Variants in NAV2 observed in about 807,000 individuals in gnomAD.
The protein encoded by NAV2 is neuron navigator 2, also known as helicase, APC down-regulated 1.
NAV2 carries 54 observed loss-of-function variants against 223.2 expected under a neutral mutation model. That is an observed-to-expected ratio of 0.24 (90% CI 0.19 to 0.30). NAV2 has a LOEUF of 0.30. Ranked by LOEUF, NAV2 falls within the 10% of genes least tolerant of loss-of-function variation. The probability of loss-of-function intolerance (pLI) is 1.00; values close to 1 mark genes in which losing one functional copy is unlikely to be tolerated. For missense variants in NAV2, 2,806 were observed against 3,147.5 expected, an observed-to-expected ratio of 0.89 and a Z score of 2.60; for synonymous variants, 1,279 against 1,239.3, an observed-to-expected ratio of 1.03 and a Z score of -0.67.
chr11:19,999,566 T>C (rs2052337545), intron 11 of NAV2, among the ~76,000 whole-genome samples: 1 of 152,224 alleles, frequency 6.6e-6, no homozygotes, highest in Admixed American at 6.5e-5. Context: ...AGATGGGGTT[T>C]CACCATGTTG....
At chr11:19,910,892 C>T (rs1249286065) in intron 6 of NAV2, among the ~76,000 whole-genome samples, 1 of 152,066 alleles carries the variant, frequency 6.6e-6, no homozygotes, top group East Asian at 1.9e-4. Context: ...AACCAAACAC[C>T]ACATGTAAAA....
intron 36 of NAV2, among the ~76,000 whole-genome samples, chr11:20,109,838 C>T (rs146179648): frequency 2.6e-4 from 39 of 152,348 alleles, no homozygotes; most frequent in African/African-American, 9.1e-4. Flanking sequence ...TAAAGGCCTC[C>T]CCTGCCCTGG....
At chr11:19,356,202 C>T (rs7948272) in intron 1 of NAV2, among the ~76,000 whole-genome samples, 12,699 of 152,140 alleles carry the variant, frequency 0.083, 529 homozygotes, top group Middle Eastern at 0.15. Flanking sequence ...TCACTGAAGA[C>T]GAAAGGAGAG....
intron 1 of NAV2, among the ~76,000 whole-genome samples, chr11:19,357,090 T>C (rs902024338): frequency 2.0e-5 from 3 of 152,206 alleles, no homozygotes; most frequent in African/African-American, 4.8e-5. Flanking sequence ...ACCAAATCAT[T>C]GAGTCCTCAG....
intron 1 of NAV2, among the ~76,000 whole-genome samples, chr11:19,680,934 G>T (rs1459209896): frequency 6.6e-6 from 1 of 152,224 alleles, no homozygotes; most frequent in East Asian, 1.9e-4. Flanking sequence ...GACTACTGAT[G>T]AATCACTTAG....
chr11:19,760,678 G>C (rs2054663631), intron 1 of NAV2, among the ~76,000 whole-genome samples: 1 of 152,198 alleles, frequency 6.6e-6, no homozygotes, highest in East Asian at 1.9e-4. Flanking sequence ...GAGTAAGAGA[G>C]AAGAATCTAG....
intron 1 of NAV2, among the ~76,000 whole-genome samples, chr11:19,393,941 A>G (rs915802776): frequency 7.0e-6 from 1 of 143,400 alleles, no homozygotes; most frequent in African/African-American, 2.6e-5. Flanking sequence ...CACTTCTAAA[A>G]GTGTGAAACT....
chr11:20,036,077 C>T lies in NAV2; in HGVS notation c.2887C>T (p.Arg963Ter). 4 of 1,614,184 alleles carry T rather than the reference C, an allele frequency of 2.5e-6. No homozygotes were observed. The highest frequency in any genetic ancestry group is 2.5e-6 in the Non-Finnish European group (3 of 1,180,028). The change falls in exon 12 of 38, where the codon CGA (arginine) becomes TGA (stop). Residue 963 changes from arginine to a stop codon, truncating the protein, a stop_gained. Transcript: ENST00000349880. LOFTEE classifies it high-confidence loss of function. ...SSYANTPASS[R>*]KNLDVQTDAE... ...TTATGCCAACACACCTGCCTCCTCTCGAAAAAACCTGGATGTGCAGGTGAG... is the reference window on the plus strand; with the variant it reads ...TTATGCCAACACACCTGCCTCCTCTTGAAAAAACCTGGATGTGCAGGTGAG...
intron 3 of NAV2, among the ~76,000 whole-genome samples, chr11:19,864,188 T>C (rs1485668840): frequency 6.6e-6 from 1 of 152,190 alleles, no homozygotes; most frequent in Admixed American, 6.5e-5. Context: ...AGACTGGAGA[T>C]TTCCCAAGGG....
chr11:19,509,786 C>T (rs978216734), intron 1 of NAV2, among the ~76,000 whole-genome samples: 3 of 152,030 alleles, frequency 2.0e-5, no homozygotes, highest in African/African-American at 7.2e-5. Flanking sequence ...TATTCTAATG[C>T]ACTGGGCAGT....
At chr11:19,367,654 C>G (rs1011289378) in intron 1 of NAV2, among the ~76,000 whole-genome samples, 8 of 152,138 alleles carry the variant, frequency 5.3e-5, no homozygotes, top group African/African-American at 1.9e-4. Flanking sequence ...TTGCCAGTGG[C>G]CCAGAGTGCA....
At chr11:19,655,420 C>A (rs1232301277) in intron 1 of NAV2, among the ~76,000 whole-genome samples, 1 of 152,126 alleles carries the variant, frequency 6.6e-6, no homozygotes, top group African/African-American at 2.4e-5. Context: ...ATAAATCATG[C>A]TGCTATAAAG....
At chr11:19,515,253 A>AT (rs1475209382) in intron 1 of NAV2, among the ~76,000 whole-genome samples, 2 of 152,256 alleles carry the variant, frequency 1.3e-5, no homozygotes, top group East Asian at 3.9e-4. Flanking sequence ...AGCAGGCATT[A>AT]TTTTTCTGGG....
intron 11 of NAV2, among the ~76,000 whole-genome samples, chr11:20,014,668 A>G (rs1025599832): frequency 1.3e-5 from 2 of 152,156 alleles, no homozygotes; most frequent in Non-Finnish European, 2.9e-5. Flanking sequence ...TTCGGAGGCC[A>G]AGGCAGGTGG....
intron 1 of NAV2, among the ~76,000 whole-genome samples, chr11:19,688,682 C>T (rs1293318963): frequency 1.3e-5 from 2 of 152,174 alleles, no homozygotes; most frequent in Admixed American, 6.5e-5. Flanking sequence ...TATCAGCTCT[C>T]TCCTACTAAG....
intron 1 of NAV2, among the ~76,000 whole-genome samples, chr11:19,449,321 C>T (rs949394014): frequency 7.9e-5 from 12 of 151,426 alleles, no homozygotes; most frequent in South Asian, 2.1e-4. Flanking sequence ...GAGCCAAGCC[C>T]GGAAGGCGGA....
intron 1 of NAV2, among the ~76,000 whole-genome samples, chr11:19,796,883 C>T (rs1737292117): frequency 6.6e-6 from 1 of 152,148 alleles, no homozygotes; most frequent in Admixed American, 6.5e-5. Flanking sequence ...AGGTAGTCTC[C>T]CCATGGCTCT....
chr11:20,072,159 T>A (rs2059444314), intron 22 of NAV2, among the ~76,000 whole-genome samples: 1 of 152,254 alleles, frequency 6.6e-6, no homozygotes, highest in Admixed American at 6.5e-5. Context: ...TGCATATGGC[T>A]AGCCAGTTTT....
chr11:19,684,564 CT>C (rs1185636692), intron 1 of NAV2, among the ~76,000 whole-genome samples: 6 of 152,158 alleles, frequency 3.9e-5, no homozygotes, highest in Non-Finnish European at 5.9e-5. Context: ...GCTTTTTGAG[CT>C]GCTACTGCCT....
Sources: allele counts gnomAD v4.1 joint callset (sites outside exome capture counted in the v4.1 genomes callset), GRCh38; gene constraint gnomAD v4.1.1; transcripts MANE v1.5; gene names NCBI Gene and HGNC (gene_info 2026-07-23, HGNC 2026-07-21).